The following CNTNAP2 variants were observed in gnomAD, a reference collection of about 807,000 sequenced individuals.
CNTNAP2 encodes contactin-associated protein-like 2.
CNTNAP2 carries 98 observed loss-of-function variants against 155.2 expected under a neutral mutation model. That is an observed-to-expected ratio of 0.63 (90% CI 0.54 to 0.75). The LOEUF (loss-of-function observed/expected upper bound fraction) is 0.75. Among genes scored for constraint, CNTNAP2 ranks in the 30% least tolerant of loss-of-function variants. The pLI is 0.00. For missense variants in CNTNAP2, 1,727 were observed against 1,688.1 expected, an observed-to-expected ratio of 1.02 and a Z score of -0.40; for synonymous variants, 651 against 631.2, an observed-to-expected ratio of 1.03 and a Z score of -0.47.
chr7:146,318,064 C>T (rs1362479081), intron 1 of CNTNAP2, among the ~76,000 whole-genome samples: 1 of 151,648 alleles, frequency 6.6e-6, no homozygotes, highest in Non-Finnish European at 1.5e-5. Context: ...TCGCTTGAAC[C>T]CGGTAGGTGG....
intron 10 of CNTNAP2, among the ~76,000 whole-genome samples, chr7:147,422,626 G>A (rs1797314339): frequency 6.6e-6 from 1 of 152,016 alleles, no homozygotes; most frequent in Non-Finnish European, 1.5e-5. Flanking sequence ...AGTTCAGGAG[G>A]ATCATTAATA....
intron 12 of CNTNAP2, among the ~76,000 whole-genome samples, chr7:147,629,222 T>TA (rs1385333874): frequency 6.6e-6 from 1 of 151,872 alleles, no homozygotes; most frequent in Non-Finnish European, 1.5e-5. Context: ...GCCAATATGG[T>TA]AAAACCCTGT....
intron 12 of CNTNAP2, among the ~76,000 whole-genome samples, chr7:147,627,207 C>A (rs9886338): frequency 6.6e-6 from 1 of 151,996 alleles, no homozygotes; most frequent in Non-Finnish European, 1.5e-5. Context: ...AAATAATCTA[C>A]GCAAACGAGA....
chr7:147,736,579 AT>A (rs1796849050), intron 13 of CNTNAP2, among the ~76,000 whole-genome samples: 2 of 152,108 alleles, frequency 1.3e-5, no homozygotes, highest in Non-Finnish European at 2.9e-5. Context: ...GCTTTGCTAG[AT>A]TGGGGAAGTT....
intron 13 of CNTNAP2, among the ~76,000 whole-genome samples, chr7:147,699,730 C>A (rs896923006): frequency 2.0e-5 from 3 of 151,986 alleles, no homozygotes; most frequent in Non-Finnish European, 4.4e-5. Flanking sequence ...ATGAACAATT[C>A]TGGGGCAATT....
chr7:148,306,147 G>T (rs1346977762), intron 21 of CNTNAP2, among the ~76,000 whole-genome samples: 1 of 152,166 alleles, frequency 6.6e-6, no homozygotes, highest in Non-Finnish European at 1.5e-5. Context: ...GAAGGAATTT[G>T]TCTATTGTCA....
At position 146,556,260 on chromosome 7, in the gene CNTNAP2, C is replaced by T. The variant is rs941805907; in HGVS notation, c.98-218011C>T. ...AAAAGTACTTAGAATAAGGAGAGGG[C>T]AGCAAAACACCACAGGAAGTATAGG... On this transcript the variant is annotated intron_variant, in intron 1 of 23. Coordinates refer to ENST00000361727, the MANE Select transcript of CNTNAP2 (RefSeq NM_014141.6). Among the ~76,000 whole-genome samples, 17 of 152,122 alleles carry T rather than the reference C, an allele frequency of 1.1e-4. No individual in the cohort carries two copies. The South Asian group carries it at 3.5e-3, about 32-fold the overall frequency.
rs1399980681 is a variant in CNTNAP2, at chr7:148,032,756, G to C, written c.2383+54767G>C. On this transcript the variant is annotated intron_variant, in intron 15 of 23. Transcript: ENST00000361727. ...CAATGAGGAGCCATTCACCTCACCT[G>C]CTGACGCGAAGGCTGCTTGCCAGTT... 2.0e-5 allele frequency among the ~76,000 whole-genome samples: 3 copies of C among 152,190 alleles called. No individual in the cohort carries two copies. In the East Asian group the frequency reaches 5.8e-4, roughly 29 times the overall value.
intron 1 of CNTNAP2, among the ~76,000 whole-genome samples, chr7:146,688,678 C>T (rs898321144): frequency 6.6e-6 from 1 of 152,038 alleles, no homozygotes; most frequent in Non-Finnish European, 1.5e-5. Context: ...TCACTTTTGT[C>T]GTTCTTCAGT....
At chr7:146,611,159 G>C (rs545947963) in intron 1 of CNTNAP2, among the ~76,000 whole-genome samples, 1 of 152,334 alleles carries the variant, frequency 6.6e-6, no homozygotes, top group African/African-American at 2.4e-5. Context: ...AGGCTGGGGT[G>C]CAGTGGTGCA....
At chr7:147,364,796 C>A (rs1222007991) in intron 9 of CNTNAP2, among the ~76,000 whole-genome samples, 1 of 151,632 alleles carries the variant, frequency 6.6e-6, no homozygotes, top group African/African-American at 2.4e-5. Flanking sequence ...TTGCGGTGAG[C>A]CGAGATCGCG....
intron 15 of CNTNAP2, among the ~76,000 whole-genome samples, chr7:148,100,160 G>A (rs1337935148): frequency 6.6e-6 from 1 of 151,994 alleles, no homozygotes; most frequent in Non-Finnish European, 1.5e-5. Flanking sequence ...GTGAGACACC[G>A]CGCCCGGCCA....
chr7:147,798,956 C>A (rs571475118), intron 13 of CNTNAP2, among the ~76,000 whole-genome samples: 1 of 152,160 alleles, frequency 6.6e-6, no homozygotes, highest in Non-Finnish European at 1.5e-5. Context: ...CCAACTAGAT[C>A]GCAGGCAAAG....
chr7:146,166,118 A>G (rs1201759332), intron 1 of CNTNAP2, among the ~76,000 whole-genome samples: 1 of 151,862 alleles, frequency 6.6e-6, no homozygotes, highest in African/African-American at 2.4e-5. Flanking sequence ...TTTGAGATGG[A>G]GTTTCACTCT....
At chr7:147,086,735 C>G (rs1453803769) in intron 4 of CNTNAP2, among the ~76,000 whole-genome samples, 2 of 152,164 alleles carry the variant, frequency 1.3e-5, no homozygotes, top group African/African-American at 4.8e-5. Context: ...CTAGTCTGGC[C>G]ATACAGAAGA....
chr7:148,022,276 C>T (rs984454419), intron 15 of CNTNAP2, among the ~76,000 whole-genome samples: 97 of 152,028 alleles, frequency 6.4e-4, no homozygotes, highest in African/African-American at 1.9e-3. Flanking sequence ...GAGACCAGCC[C>T]GGGAAACGCG....
chr7:147,121,081 G>C lies in CNTNAP2; in HGVS notation c.857G>C (p.Arg286Pro). The change falls in exon 6 of 24, where the codon CGG becomes CCG. Residue 286 changes from arginine (R) to proline (P), a missense_variant. Arg to Pro is a moderately radical substitution (Grantham distance 103). Transcript: ENST00000361727. ...TCTGTGGTCATTGAGCGCCAGGGGC[G>C]GAGCATTAACCTCACTCTGGACAGG... ...WHSVVIERQG[R>P]SINLTLDRSM... 6.2e-7 allele frequency: 1 copy of C among 1,614,124 alleles called. No individual in the cohort carries two copies. Among genetic ancestry groups the C allele is most frequent in the Non-Finnish European group, 8.5e-7 (1 of 1,180,022 alleles).
At chr7:146,706,792 G>T (rs1435592674) in intron 1 of CNTNAP2, among the ~76,000 whole-genome samples, 1 of 151,682 alleles carries the variant, frequency 6.6e-6, no homozygotes, top group East Asian at 1.9e-4. Context: ...AGCAGGGAGA[G>T]GATCAGGAAA....
intron 5 of CNTNAP2, among the ~76,000 whole-genome samples, chr7:147,115,070 G>A (rs1800958221): frequency 1.3e-5 from 2 of 152,136 alleles, no homozygotes. Context: ...CACTTATGAA[G>A]CTTAGTTTGA....
Sources: allele counts gnomAD v4.1 joint callset (sites outside exome capture counted in the v4.1 genomes callset), GRCh38; gene constraint gnomAD v4.1.1; transcripts MANE v1.5; gene names NCBI Gene and HGNC (gene_info 2026-07-23, HGNC 2026-07-21).